The following C2CD3 variants were observed in gnomAD, a reference collection of about 807,000 sequenced individuals.
C2CD3 encodes C2 domain-containing protein 3.
A neutral mutation model predicts 234.0 loss-of-function variants in C2CD3; 148 were observed. That is an observed-to-expected ratio of 0.63 (90% CI 0.55 to 0.72). The LOEUF (loss-of-function observed/expected upper bound fraction) is 0.72. Ranked by LOEUF, C2CD3 falls within the 30% of genes least tolerant of loss-of-function variation. The pLI is 0.00. For synonymous variants in C2CD3, 1,000 were observed against 1,035.4 expected, an observed-to-expected ratio of 0.97 and a Z score of 0.66; for missense variants, 2,577 against 2,811.5, an observed-to-expected ratio of 0.92 and a Z score of 1.89.
In C2CD3 at chr11:74,033,746, G is replaced by C; in HGVS notation, c.6414C>G (p.Asn2138Lys). 1 of 1,536,406 alleles carries C rather than the reference G, an allele frequency of 6.5e-7. No homozygotes were observed. Among genetic ancestry groups the C allele is most frequent in the Non-Finnish European group, 8.7e-7 (1 of 1,146,952 alleles). Residue 2138 changes from asparagine to lysine, a missense_variant, in exon 31 of 33, where the codon AAC becomes AAG. Asn to Lys is a moderately conservative substitution (Grantham distance 94). Coordinates refer to ENST00000334126, the MANE Select transcript of C2CD3 (RefSeq NM_001286577.2). ...SFLSSPERAVNPHLPRQGSPS... is the reference protein window; with the variant it reads ...SFLSSPERAVKPHLPRQGSPS... ...GAGAACCCTGCCTAGGCAGGTGGGG[G>C]TTGACAGCCCTTTCTGGGCTGGAGA...
intron 22 of C2CD3, among the ~76,000 whole-genome samples, chr11:74,080,504 T>C (rs1346978669): frequency 1.3e-5 from 2 of 152,192 alleles, no homozygotes; most frequent in Non-Finnish European, 2.9e-5. Flanking sequence ...CAAATATGTG[T>C]AGACACAAAA....
intron 27 of C2CD3, among the ~76,000 whole-genome samples, chr11:74,048,641 C>T (rs754485739): frequency 1.3e-5 from 2 of 152,218 alleles, no homozygotes; most frequent in Non-Finnish European, 2.9e-5. Flanking sequence ...TATCATTTTA[C>T]ATTTACCTTA....
chr11:74,056,874 A>T (rs2135438642), intron 25 of C2CD3, among the ~76,000 whole-genome samples: 1 of 150,036 alleles, frequency 6.7e-6, no homozygotes, highest in East Asian at 2.0e-4. Flanking sequence ...CTCTACCAGC[A>T]TCCCCTTCTT....
chr11:74,078,869 C>G, intron 22 of C2CD3, 152 bp from the exon 23 acceptor site: 3 of 684,956 alleles, frequency 4.4e-6, no homozygotes, highest in Non-Finnish European at 7.1e-6. Flanking sequence ...TTCATCTGAC[C>G]ATTGAGAGGC....
At chr11:74,155,949 T>G (rs1357994964) in intron 3 of C2CD3, among the ~76,000 whole-genome samples, 2 of 151,868 alleles carry the variant, frequency 1.3e-5, no homozygotes, top group African/African-American at 4.8e-5. Flanking sequence ...CAGACCAGCC[T>G]GGACAACATG....
intron 9 of C2CD3, among the ~76,000 whole-genome samples, chr11:74,117,157 AAT>A (rs1227702687): frequency 0.012 from 117 of 9,742 alleles, 2 homozygotes; most frequent in Non-Finnish European, 0.015. Flanking sequence ...TATATATATG[AAT>A]ATATATATAT....
chr11:74,108,531 G>A (rs1187865446), intron 12 of C2CD3, among the ~76,000 whole-genome samples: 1 of 152,088 alleles, frequency 6.6e-6, no homozygotes, highest in African/African-American at 2.4e-5. Context: ...ATATTATTTT[G>A]GGCTTGGATA....
chr11:74,163,308 A>ACAGT (rs1368860924), intron 2 of C2CD3, among the ~76,000 whole-genome samples: 5 of 152,224 alleles, frequency 3.3e-5, no homozygotes, highest in Non-Finnish European at 7.3e-5. Context: ...GAACACTAGT[A>ACAGT]CAGTCCAGTG....
At position 74,103,172 on chromosome 11, in the gene C2CD3, T is replaced by A; in HGVS notation, c.2539A>T (p.Ile847Phe). 1 of 1,614,090 alleles carries A rather than the reference T, an allele frequency of 6.2e-7. No homozygotes were observed. The highest frequency in any genetic ancestry group is 1.1e-5 in the South Asian group (1 of 91,084). ...ACCGGTTGTGTTGTGCCCCATGCGA[T>A]GACAGATCTGGTGACTTCCTCTGTG... ...FSTEEVTRSV[I>F]AWGTTQPVFN... The change falls in exon 14 of 33, where the codon ATC becomes TTC. Residue 847 changes from isoleucine (I) to phenylalanine (F), a missense_variant. By Grantham distance (21) the Ile-to-Phe change is conservative. Coordinates refer to ENST00000334126, the MANE Select transcript of C2CD3 (RefSeq NM_001286577.2).
chr11:74,094,041 C>G (rs1343582046), intron 17 of C2CD3, 42 bp from the exon 18 acceptor site: 1 of 1,501,994 alleles, frequency 6.7e-7, no homozygotes, highest in Admixed American at 1.8e-5. Flanking sequence ...CAACATATGA[C>G]TTAGTGTTTT....
intron 3 of C2CD3, chr11:74,142,412 C>T (rs981595972): frequency 1.3e-5 from 2 of 152,192 alleles, no homozygotes; most frequent in East Asian, 1.9e-4. Flanking sequence ...AGAAGTTTGT[C>T]ACTGATTTGT....
intron 31 of C2CD3, among the ~76,000 whole-genome samples, chr11:74,031,504 T>C (rs748048115): frequency 8.5e-5 from 13 of 152,224 alleles, no homozygotes; most frequent in Non-Finnish European, 1.5e-4. Context: ...CCTGTCTCTC[T>C]TACTGGGATG....
At chr11:74,035,304 C>T (rs182413139) in intron 30 of C2CD3, among the ~76,000 whole-genome samples, 2 of 152,292 alleles carry the variant, frequency 1.3e-5, no homozygotes, top group Admixed American at 6.5e-5. Flanking sequence ...AATCCTAATC[C>T]TTTGGCCTGA....
Position 74,130,140 on chromosome 11 carries a change from AGGGAGAGGGGAGAG to A in C2CD3, c.1217+2690_1217+2703del, listed in dbSNP as rs1329981192. 4.6e-4 allele frequency among the ~76,000 whole-genome samples: 47 copies of A among 102,694 alleles called. 1 individual carries two copies. The South Asian group carries it at 0.016, about 34-fold the overall frequency. The allele number at this position is 102,694 out of a possible 152,430, so 67.4% of individuals were successfully genotyped here. A position where few individuals can be genotyped will look rare whatever the true frequency, so the allele number is the denominator to read the frequency against. On this transcript the variant is annotated intron_variant, in intron 7 of 32. Transcript: ENST00000334126. The stretch of plus-strand genomic sequence containing the variant: ...TGGGGAGGGGGAGAGGGAGAGGGAG[AGGGAGAGGGGAGAG>A]GGGAGAGGGGAGAGGGGCTGTTTGA...
intron 7 of C2CD3, chr11:74,129,005 T>C (rs570243310): frequency 3.7e-4 from 101 of 275,800 alleles, no homozygotes; most frequent in Middle Eastern, 2.5e-3. Context: ...TTTCCCCCTT[T>C]CCTATTCCAC....
rs1475253966 is a variant in C2CD3 at position 74,033,653 on chromosome 11, T to C, written c.6507A>G (p.Ser2169=). ...GGCATGGGATGGGCTGAGGGTTGGC[T>C]GAGGCAGACTCGCCACCAACCCTGG... The part of the protein sequence containing the change: ...SKARVGGESA[S]ANPQPIPCPT... The change falls in exon 31 of 33, where the codon TCA becomes TCG. Residue 2169 remains serine, a synonymous_variant. Transcript: ENST00000334126. 1 of 1,536,088 alleles carries C rather than the reference T, an allele frequency of 6.5e-7. No homozygotes were observed. Among genetic ancestry groups the C allele is most frequent in the East Asian group, 2.4e-5 (1 of 40,918 alleles).
chr11:74,142,831 T>C (rs1262671295), intron 3 of C2CD3, among the ~76,000 whole-genome samples: 1 of 152,222 alleles, frequency 6.6e-6, no homozygotes, highest in East Asian at 1.9e-4. Context: ...TCTTCATTCC[T>C]GTCCACCTCA....
At chr11:74,127,668 G>A (rs554281597) in intron 7 of C2CD3, among the ~76,000 whole-genome samples, 2 of 152,212 alleles carry the variant, frequency 1.3e-5, no homozygotes, top group South Asian at 2.1e-4. Context: ...CTATAGGTAC[G>A]AGTTTGAGGA....
intron 23 of C2CD3, among the ~76,000 whole-genome samples, chr11:74,074,834 C>T (rs567430061): frequency 3.0e-4 from 46 of 152,316 alleles, no homozygotes; most frequent in African/African-American, 1.1e-3. Flanking sequence ...CACCTGTAAT[C>T]CCAGCACGTT....
Sources: allele counts gnomAD v4.1 joint callset (sites outside exome capture counted in the v4.1 genomes callset), GRCh38; gene constraint gnomAD v4.1.1; transcripts MANE v1.5; gene names NCBI Gene and HGNC (gene_info 2026-07-23, HGNC 2026-07-21).